The following HCN2 variants were observed in gnomAD, a reference collection of about 807,000 sequenced individuals.
HCN2 encodes hyperpolarization activated cyclic nucleotide gated potassium and sodium channel 2, also known as potassium/sodium hyperpolarization-activated cyclic nucleotide-gated channel 2.
In HCN2, 20 loss-of-function variants were observed where a neutral mutation model predicts 52.3. The ratio of observed to expected loss-of-function variants is 0.38; its 90% CI spans 0.27 to 0.56. The LOEUF is 0.56. Ranked by LOEUF, HCN2 falls within the 20% of genes least tolerant of loss-of-function variation. HCN2 has a pLI of 0.71. For missense variants in HCN2, 981 were observed against 1,207.7 expected (o/e 0.81, Z 2.78); for synonymous variants, 694 against 537.0 (o/e 1.29, Z -4.04).
At chr19:615,112 T>A (rs552985944) in intron 7 of HCN2, among the ~76,000 whole-genome samples, 231 of 152,208 alleles carry the variant, frequency 1.5e-3, no homozygotes, top group Middle Eastern at 6.8e-3. Flanking sequence ...TCGGTATGCC[T>A]GTGGCACACT....
intron 1 of HCN2, among the ~76,000 whole-genome samples, chr19:603,317 T>G (rs1260032474): frequency 1.9e-4 from 15 of 78,538 alleles, no homozygotes; most frequent in African/African-American, 3.4e-4. Context: ...CAGGGAGGAA[T>G]GCCCGGGGCT....
At chr19:593,513 G>A (rs139181679) in intron 1 of HCN2, among the ~76,000 whole-genome samples, 5 of 152,316 alleles carry the variant, frequency 3.3e-5, no homozygotes, top group East Asian at 1.9e-4. Flanking sequence ...CCAGCTACTC[G>A]GGAGGCTGAG....
In HCN2 at chr19:591,461, C is replaced by T. The variant is rs182194682; in HGVS notation, c.632+884C>T. Among the ~76,000 whole-genome samples, 1,132 of 152,132 alleles carry T rather than the reference C, an allele frequency of 7.4e-3. 60 individuals are homozygous for T. The highest frequency in any genetic ancestry group is 0.067 in the Admixed American group (1,031 of 15,298). ...GTTTGTGTGTGTTGGGACCAGGTGG[C>T]GGGCGTGCGCGTGTACGCCCGGGGC... is the stretch of plus-strand genomic sequence containing the variant. On this transcript the variant is annotated intron_variant, in intron 1 of 7. Coordinates refer to ENST00000251287, the MANE Select transcript of HCN2 (RefSeq NM_001194.4). This position sits in a 1 kb window ranked among gnomAD's most constrained non-coding sequence, Gnocchi z 4.1.
intron 1 of HCN2, among the ~76,000 whole-genome samples, chr19:601,679 C>T (rs1271389166): frequency 6.6e-6 from 1 of 152,088 alleles, no homozygotes; most frequent in Non-Finnish European, 1.5e-5. Context: ...AATTTTATGT[C>T]TTTTTAAGGA....
At chr19:606,128 T>G (rs1983419706) in intron 3 of HCN2, among the ~76,000 whole-genome samples, 2 of 152,088 alleles carry the variant, frequency 1.3e-5, no homozygotes, top group African/African-American at 4.8e-5. Context: ...GAGACTGAGT[T>G]TCACTCTGTC....
intron 1 of HCN2, among the ~76,000 whole-genome samples, chr19:601,941 C>T (rs1044893142): frequency 3.9e-5 from 6 of 152,044 alleles, no homozygotes; most frequent in Admixed American, 2.6e-4. Context: ...GGAGTGGAAA[C>T]GCCCTCTGGT....
intron 1 of HCN2, among the ~76,000 whole-genome samples, chr19:597,062 A>G (rs1350025850): frequency 6.6e-6 from 1 of 152,186 alleles, no homozygotes; most frequent in African/African-American, 2.4e-5. Flanking sequence ...TTGCGGCCCC[A>G]AGCCCTGCTT....
At position 615,933 on chromosome 19, in the gene HCN2, G is replaced by T; in HGVS notation, c.2129G>T (p.Arg710Leu). The T allele has an allele frequency of 1.2e-6, 2 of 1,610,658 alleles. No homozygotes were observed. Among genetic ancestry groups the T allele is most frequent in the Non-Finnish European group, 1.7e-6 (2 of 1,179,418 alleles). Residue 710 changes from arginine (R) to leucine (L), a missense_variant, in exon 8 of 8, where the codon CGC (arginine) becomes CTC (leucine). By Grantham distance (102) the Arg-to-Leu change is moderately radical (BLOSUM62 -2). Coordinates refer to ENST00000251287, the MANE Select transcript of HCN2 (RefSeq NM_001194.4). ...GTGCAGCAGGCCGAGCTGGGTCAGC[G>T]CGTGGGCCTCTTCCCGCCGCCGCCG... Reference protein sequence around the residue: ...EMVQQAELGQRVGLFPPPPPP... With the variant: ...EMVQQAELGQLVGLFPPPPPP...
At chr19:604,924 G>A (rs1387404064) in intron 2 of HCN2, 137 bp from the exon 3 acceptor site, 2 of 911,582 alleles carry the variant, frequency 2.2e-6, no homozygotes, top group Non-Finnish European at 3.2e-6. Context: ...TGCAGGGTGG[G>A]GCGGGGGTCC....
intron 1 of HCN2, among the ~76,000 whole-genome samples, chr19:601,084 G>C (rs912006008): frequency 5.9e-5 from 9 of 152,146 alleles, no homozygotes; most frequent in Admixed American, 3.3e-4. Flanking sequence ...CGAGGCCTAG[G>C]CAGAAGGATC....
intron 5 of HCN2, among the ~76,000 whole-genome samples, chr19:612,713 C>G (rs1983694205): frequency 6.7e-6 from 1 of 149,640 alleles, no homozygotes; most frequent in African/African-American, 2.5e-5. Context: ...CCACGCCCGG[C>G]CTTATTTTTC....
Position 590,428 on chromosome 19 carries a change from C to A in HCN2, c.483C>A (p.Ser161Arg). The A allele has an allele frequency of 6.7e-7, 1 of 1,482,200 alleles. No individual in the cohort carries two copies. The highest frequency in any genetic ancestry group is 9.0e-7 in the Non-Finnish European group (1 of 1,108,586). 91.8% of individuals were successfully genotyped at this position (1,482,200 alleles called of 1,614,324 possible). A position where few individuals can be genotyped will look rare whatever the true frequency, so the allele number is the denominator to read the frequency against. Residue 161 changes from serine (S) to arginine (R), a missense_variant, in exon 1 of 8, where the codon AGC becomes AGA. By Grantham distance (110) the Ser-to-Arg change is moderately radical. Transcript: ENST00000251287. This position sits in a 1 kb window ranked among gnomAD's most constrained non-coding sequence, Gnocchi z 7.2. ...PAGEPRGSQA[S>R]FMQRQFGALL... The stretch of plus-strand genomic sequence containing the variant: ...GGGAGCCGCGCGGCAGCCAGGCCAG[C>A]TTCATGCAGCGCCAGTTCGGCGCGC...
At position 612,419 on chromosome 19, in the gene HCN2, T is replaced by A. The variant is rs1355041953; in HGVS notation, c.1585-829T>A. On this transcript the variant is annotated intron_variant, in intron 5 of 7. Coordinates refer to ENST00000251287, the MANE Select transcript of HCN2 (RefSeq NM_001194.4). ...GTGTGTGTGTGTGTGTGTGTGTGTG[T>A]GTGTGTGTGAGAGAGAGATGGAGTC... Among the ~76,000 whole-genome samples, 288 of 117,282 alleles carry A rather than the reference T, an allele frequency of 2.5e-3. 4 individuals are homozygous for A. Among genetic ancestry groups the A allele is most frequent in the African/African-American group, 7.9e-3 (248 of 31,562 alleles). 76.9% of individuals were successfully genotyped at this position (117,282 alleles called of 152,430 possible).
rs1034615480 is a variant in HCN2, at chr19:609,258, G to A, written c.1438-1001G>A. Among the ~76,000 whole-genome samples the A allele has an allele frequency of 7.2e-5, 11 of 152,214 alleles. 1 individual carries two copies. The highest frequency in any genetic ancestry group is 1.5e-4 in the Non-Finnish European group (10 of 68,024). ...GAAGTGAGGCTGGAGCTGCCGGGGG[G>A]CACCGTCCTGGGGACAGCAGGGCCT... On this transcript the variant is annotated intron_variant, in intron 4 of 7. Transcript: ENST00000251287.
intron 5 of HCN2, among the ~76,000 whole-genome samples, chr19:610,925 G>A (rs1329676691): frequency 1.3e-5 from 2 of 152,314 alleles, no homozygotes; most frequent in South Asian, 4.1e-4. Flanking sequence ...CCCCCCCGGA[G>A]CCCCTGGGGA....
At chr19:594,747 C>T (rs184618038) in intron 1 of HCN2, among the ~76,000 whole-genome samples, 14 of 152,228 alleles carry the variant, frequency 9.2e-5, no homozygotes, top group African/African-American at 3.1e-4. Context: ...GCTCTGGTCA[C>T]GGCAGGAAGG....
intron 1 of HCN2, among the ~76,000 whole-genome samples, chr19:599,509 G>A (rs1983133648): frequency 6.6e-6 from 1 of 152,158 alleles, no homozygotes; most frequent in Admixed American, 6.5e-5. Flanking sequence ...GCCGGGCGCG[G>A]TGGCTCACGC....
rs143343881 is a variant in HCN2, at chr19:603,718, C to T, written c.807C>T (p.Ile269=). The T allele has an allele frequency of 4.9e-5, 79 of 1,612,750 alleles. No homozygotes were observed. In the African/African-American group the frequency reaches 5.6e-4, roughly 11 times the overall value. Residue 269 remains isoleucine, a synonymous_variant, in exon 2 of 8, where the codon ATC becomes ATT. Transcript: ENST00000251287. ...LVLNFRTGIV[I]EDNTEIILDP... ...TGAACTTCCGCACCGGCATTGTGAT[C>T]GAGGACAACACGGAGATCATCCTGG...
At chr19:610,193 C>T in intron 4 of HCN2, 66 bp from the exon 5 acceptor site, 1 of 1,550,590 alleles carries the variant, frequency 6.4e-7, no homozygotes, top group Non-Finnish European at 8.8e-7. Context: ...ACAGTACAAG[C>T]AGGTGCCCCT....
Sources: gnomAD v4.1 joint callset for allele counts (sites outside exome capture counted in the v4.1 genomes callset) on GRCh38, gnomAD v4.1.1 for gene constraint, Gnocchi (gnomAD v3.1) non-coding constraint, MANE v1.5 for transcripts, NCBI Gene and HGNC (gene_info 2026-07-23, HGNC 2026-07-21) for gene names.